The following ATP5F1C variants were observed in gnomAD, a reference collection of about 807,000 sequenced individuals.
ATP5F1C encodes the protein ATP synthase F1 subunit gamma.
ATP5F1C carries 22 observed loss-of-function variants against 37.4 expected under a neutral mutation model. The ratio of observed to expected loss-of-function variants is 0.59; its 90% CI spans 0.42 to 0.84. The LOEUF (loss-of-function observed/expected upper bound fraction) is 0.84, where lower values mean the gene tolerates loss of function less well. ATP5F1C is among the 40% of genes least tolerant of loss of function. ATP5F1C has a pLI of 0.00. For missense variants in ATP5F1C, 286 were observed against 362.4 expected (o/e 0.79, Z 1.71); for synonymous variants, 121 against 128.0 (o/e 0.95, Z 0.37).
chr10:7,792,915 G>A (rs551196152), intron 1 of ATP5F1C, among the ~76,000 whole-genome samples: 2 of 152,118 alleles, frequency 1.3e-5, no homozygotes, highest in Non-Finnish European at 2.9e-5. Context: ...CTTCCCAAGT[G>A]GCTGTGTACT....
At chr10:7,793,768 C>T (rs1275793772) in intron 1 of ATP5F1C, among the ~76,000 whole-genome samples, 2 of 152,118 alleles carry the variant, frequency 1.3e-5, no homozygotes, top group Non-Finnish European at 2.9e-5. Context: ...ATATTTAGGC[C>T]TGTGATTCAT....
At chr10:7,804,544 C>A (rs962791014) in intron 8 of ATP5F1C, among the ~76,000 whole-genome samples, 1 of 152,178 alleles carries the variant, frequency 6.6e-6, no homozygotes, top group Non-Finnish European at 1.5e-5. Context: ...CCTTACTCAG[C>A]TGGGGGAATC....
rs758643048 is a variant in ATP5F1C, at chr10:7,788,191, GC to G, written c.-16del. The G allele has an allele frequency of 6.2e-7, 1 of 1,612,878 alleles. No individual in the cohort carries two copies. Among genetic ancestry groups the G allele is most frequent in the African/African-American group, 1.3e-5 (1 of 75,064 alleles). On this transcript the variant is annotated 5_prime_UTR_variant, in exon 1 of 10. Transcript: ENST00000356708. The stretch of plus-strand genomic sequence containing the variant: ...CTGAGGCCTGCCTGACCGACCTTCA[GC>G]AGGGCTGTGGCTACCATGTTCTCTC...
At chr10:7,796,082 T>C (rs1274965191) in intron 1 of ATP5F1C, 39 bp from the exon 2 acceptor site, 8 of 1,537,126 alleles carry the variant, frequency 5.2e-6, no homozygotes, top group Non-Finnish European at 7.1e-6. Context: ...GGAACTATTT[T>C]TCAAAAAACT....
rs2131068616 is a variant in ATP5F1C, at chr10:7,799,775, T to G, written c.432T>G (p.Thr144=). Residue 144 remains threonine (T), a synonymous_variant, in exon 5 of 10, where the codon ACT becomes ACG. Transcript: ENST00000356708. ...TGAGCTCTTGCTTTTCTTATAGGAC[T>G]CATTCTGACCAGTTTCTGGTGGCAT... ...GDKIRGILYR[T]HSDQFLVAFK... 1 of 1,613,856 alleles carries G rather than the reference T, an allele frequency of 6.2e-7. No homozygotes were observed.
intron 1 of ATP5F1C, among the ~76,000 whole-genome samples, chr10:7,793,552 A>T (rs1309633887): frequency 1.3e-5 from 2 of 151,932 alleles, no homozygotes; most frequent in Non-Finnish European, 2.9e-5. Context: ...TTTTAGAAAT[A>T]TTTTCTCCCA....
At position 7,791,073 on chromosome 10, in the gene ATP5F1C, G is replaced by A. The variant is rs960511442; in HGVS notation, c.56+2810G>A. Among the ~76,000 whole-genome samples, 5 of 152,110 alleles carry A rather than the reference G, an allele frequency of 3.3e-5. 1 individual carries two copies. In the South Asian group the frequency reaches 6.2e-4, roughly 19 times the overall value. ...TCCCAGCATTTTGAGAGGCCGAGGC[G>A]GGCGGATCACAAGGTCAGGAGATCA... On this transcript the variant is annotated intron_variant, in intron 1 of 9. Transcript: ENST00000356708.
intron 6 of ATP5F1C, chr10:7,801,425 TACA>T (rs950922218): frequency 1.4e-4 from 21 of 152,360 alleles, no homozygotes; most frequent in African/African-American, 4.3e-4. Flanking sequence ...TCTAAATTTC[TACA>T]ACATTAAAAC....
rs1038487556 is a variant in ATP5F1C, at chr10:7,798,575, T to C, written c.224-415T>C. Among the ~76,000 whole-genome samples, 5 of 152,212 alleles carry C rather than the reference T, an allele frequency of 3.3e-5. No homozygotes were observed. In the East Asian group the frequency reaches 7.7e-4, roughly 23 times the overall value. ...GCGCCCGCCACCACGCCTGGCTAATTTTTTTGTATTTTTTAGTAGAGACGG... is the reference window on the plus strand; with the variant it reads ...GCGCCCGCCACCACGCCTGGCTAATCTTTTTGTATTTTTTAGTAGAGACGG... On this transcript the variant is annotated intron_variant, in intron 3 of 9. Transcript: ENST00000356708.
chr10:7,796,851 T>A, intron 2 of ATP5F1C, 196 bp from the exon 3 acceptor site: 1 of 460,096 alleles, frequency 2.2e-6, no homozygotes, highest in Non-Finnish European at 3.7e-6. Flanking sequence ...CCCAAAGTGC[T>A]GGGATTACAG....
Position 7,788,382 on chromosome 10 carries a change from C to G in ATP5F1C, c.56+119C>G. On this transcript the variant is annotated intron_variant, in intron 1 of 9. Coordinates refer to ENST00000356708, the MANE Select transcript of ATP5F1C (RefSeq NM_001001973.3). ...TGGGGTCGCAGGGCCTAGCTGGGCCCCTGGCCCGTCGGAGGCGCCGGGTAG... is the reference window on the plus strand; with the variant it reads ...TGGGGTCGCAGGGCCTAGCTGGGCCGCTGGCCCGTCGGAGGCGCCGGGTAG... 6 of 1,401,928 alleles carry G rather than the reference C, an allele frequency of 4.3e-6. No homozygotes were observed. The South Asian group carries it at 7.3e-5, about 17-fold the overall frequency. The allele number at this position is 1,401,928 out of a possible 1,614,324, so 86.8% of individuals were successfully genotyped here.
chr10:7,804,811 G>T (rs1290980202), intron 8 of ATP5F1C, among the ~76,000 whole-genome samples: 1 of 152,214 alleles, frequency 6.6e-6, no homozygotes, highest in Admixed American at 6.5e-5. Context: ...TCAGAAGAGG[G>T]ACAAATAACA....
chr10:7,801,107 T>C (rs909314368), intron 6 of ATP5F1C, among the ~76,000 whole-genome samples: 8 of 152,236 alleles, frequency 5.3e-5, no homozygotes, highest in African/African-American at 1.9e-4. Flanking sequence ...TCATTGATCA[T>C]TGAAGCATCC....
intron 1 of ATP5F1C, among the ~76,000 whole-genome samples, chr10:7,793,196 C>G (rs532709475): frequency 6.6e-6 from 1 of 152,236 alleles, no homozygotes; most frequent in African/African-American, 2.4e-5. Flanking sequence ...ACCACAACCT[C>G]CACCTCCTGG....
At chr10:7,797,583 C>G (rs1019900681) in intron 3 of ATP5F1C, among the ~76,000 whole-genome samples, 1 of 152,110 alleles carries the variant, frequency 6.6e-6, no homozygotes, top group Non-Finnish European at 1.5e-5. Flanking sequence ...AACTTGGAAA[C>G]CGTGCGTTAG....
chr10:7,789,030 G>A (rs1409811486), intron 1 of ATP5F1C, among the ~76,000 whole-genome samples: 1 of 152,032 alleles, frequency 6.6e-6, no homozygotes, highest in Non-Finnish European at 1.5e-5. Context: ...CAACTAAAGG[G>A]TGCCACGAGC....
Position 7,799,889 on chromosome 10 carries a change from A to G in ATP5F1C, c.546A>G (p.Glu182=). 1 of 1,614,062 alleles carries G rather than the reference A, an allele frequency of 6.2e-7. No individual in the cohort carries two copies. The highest frequency in any genetic ancestry group is 8.5e-7 in the Non-Finnish European group (1 of 1,179,970). ...TAAATTCTGGATATGAATTTGATGA[A>G]GGCTCCATCATCTTTAATAAATTCA... ...ELLNSGYEFD[E]GSIIFNKFRS... Residue 182 remains glutamate, a synonymous_variant, in exon 5 of 10, where the codon GAA becomes GAG. Transcript: ENST00000356708.
At chr10:7,807,127 T>A in intron 9 of ATP5F1C, 117 bp downstream of exon 9, 2 of 955,990 alleles carry the variant, frequency 2.1e-6, no homozygotes, top group Non-Finnish European at 3.0e-6. Flanking sequence ...GATGGGCCAC[T>A]TCACAGTAGC....
chr10:7,798,765 A>G (rs956788528), intron 3 of ATP5F1C, among the ~76,000 whole-genome samples: 1 of 150,364 alleles, frequency 6.7e-6, no homozygotes, highest in Non-Finnish European at 1.5e-5. Flanking sequence ...TCCTGACCTC[A>G]GGTGATCCGC....
Sources: gnomAD v4.1 joint callset for allele counts (sites outside exome capture counted in the v4.1 genomes callset) on GRCh38, gnomAD v4.1.1 for gene constraint, MANE v1.5 for transcripts, NCBI Gene and HGNC (gene_info 2026-07-23, HGNC 2026-07-21) for gene names.